The following ABHD17B variants were observed in gnomAD, a reference collection of about 807,000 sequenced individuals.
ABHD17B encodes abhydrolase domain containing 17B, depalmitoylase.
Under a neutral mutation model 26.2 loss-of-function variants are expected in ABHD17B, and 9 were observed. That is an observed-to-expected ratio of 0.34 (90% CI 0.21 to 0.60). The LOEUF is 0.60. ABHD17B is among the 20% of genes least tolerant of loss of function. The pLI, the probability that ABHD17B is intolerant of heterozygous loss-of-function variation, is 0.80. For synonymous variants in ABHD17B, 127 were observed against 122.3 expected (o/e 1.04, Z -0.25); for missense variants, 224 against 352.1 (o/e 0.64, Z 2.91).
At chr9:71,910,012 C>T (rs986872700) in intron 1 of ABHD17B, among the ~76,000 whole-genome samples, 1 of 151,972 alleles carries the variant, frequency 6.6e-6, no homozygotes, top group African/African-American at 2.4e-5. Context: ...TTTTCCAATT[C>T]AAAAACGATT....
chr9:71,897,992 A>AT (rs1320277766), intron 1 of ABHD17B, among the ~76,000 whole-genome samples: 4 of 152,020 alleles, frequency 2.6e-5, no homozygotes, highest in Non-Finnish European at 5.9e-5. Flanking sequence ...CTTTTCATAC[A>AT]TTTTTTTTCA....
At chr9:71,905,409 C>T (rs1002281003) in intron 1 of ABHD17B, among the ~76,000 whole-genome samples, 2 of 152,066 alleles carry the variant, frequency 1.3e-5, no homozygotes, top group African/African-American at 4.8e-5. Context: ...ATAAAAACTA[C>T]AATGAGGTAC....
At chr9:71,909,794 C>T (rs1827391740) in intron 1 of ABHD17B, among the ~76,000 whole-genome samples, 1 of 152,174 alleles carries the variant, frequency 6.6e-6, no homozygotes, top group Admixed American at 6.5e-5. Context: ...ATCTACTTCA[C>T]ACTGACTTAA....
chr9:71,903,848 G>A (rs908676384), intron 1 of ABHD17B, among the ~76,000 whole-genome samples: 3 of 152,136 alleles, frequency 2.0e-5, no homozygotes, highest in Non-Finnish European at 4.4e-5. Context: ...GAGAACAAGT[G>A]GGGGGCGGGA....
chr9:71,908,530 A>G (rs1378280761), intron 1 of ABHD17B, among the ~76,000 whole-genome samples: 1 of 152,198 alleles, frequency 6.6e-6, no homozygotes, highest in Non-Finnish European at 1.5e-5. Flanking sequence ...TTTCAGAATT[A>G]AGAGCAAAAC....
chr9:71,894,889 A>G (rs1476636758), intron 1 of ABHD17B, among the ~76,000 whole-genome samples: 1 of 152,194 alleles, frequency 6.6e-6, no homozygotes, highest in African/African-American at 2.4e-5. Context: ...TAAATCATTT[A>G]CTAACTATAA....
chr9:71,898,594 G>A lies in ABHD17B; in HGVS notation c.-4+12040C>T, dbSNP rs147440854. 1.4e-3 allele frequency among the ~76,000 whole-genome samples: 214 copies of A among 152,230 alleles called. 1 individual carries two copies. Among genetic ancestry groups the A allele is most frequent in the African/African-American group, 5.0e-3 (209 of 41,556 alleles). On this transcript the variant is annotated intron_variant, in intron 1 of 3. Coordinates refer to ENST00000333421, the MANE Select transcript of ABHD17B (RefSeq NM_001025780.3). ...GCGAAGGCTGCGGTGAGCCAAGATC[G>A]TGCCTTTGCACTCCAGCCTGGGCAA...
intron 1 of ABHD17B, among the ~76,000 whole-genome samples, chr9:71,876,811 A>G (rs1309624038): frequency 2.0e-5 from 3 of 152,208 alleles, no homozygotes; most frequent in Admixed American, 6.5e-5. Flanking sequence ...AAAAAAGCAC[A>G]GGAAGAGAGG....
chr9:71,906,783 CCTGT>C (rs1827296147), intron 1 of ABHD17B, among the ~76,000 whole-genome samples: 1 of 149,290 alleles, frequency 6.7e-6, no homozygotes, highest in Admixed American at 6.8e-5. Flanking sequence ...CTCCAGAGAT[CCTGT>C]CTTTTACATT....
Position 71,874,868 on chromosome 9 carries a change from A to G in ABHD17B, c.213T>C (p.Thr71=). Reference sequence around the variant, plus strand: ...CAATTCTGTTGCCTTTACTGGTTCTAGTCATGAAACACTCAATAGCATCTT... The same window carrying G: ...CAATTCTGTTGCCTTTACTGGTTCTGGTCATGAAACACTCAATAGCATCTT... The part of the protein sequence containing the change: ...REKDAIECFM[T]RTSKGNRIAC... The change falls in exon 2 of 4, where the codon ACT becomes ACC. Residue 71 remains threonine (T), a synonymous_variant. Coordinates refer to ENST00000333421, the MANE Select transcript of ABHD17B (RefSeq NM_001025780.3). The G allele has an allele frequency of 6.2e-7, 1 of 1,614,204 alleles. No individual in the cohort carries two copies. Among genetic ancestry groups the G allele is most frequent in the Non-Finnish European group, 8.5e-7 (1 of 1,180,034 alleles).
chr9:71,906,726 G>A (rs965232481), intron 1 of ABHD17B, among the ~76,000 whole-genome samples: 1 of 152,084 alleles, frequency 6.6e-6, no homozygotes, highest in Non-Finnish European at 1.5e-5. Context: ...GCTGAAGTGG[G>A]AGGATCCCTT....
At chr9:71,885,034 G>A (rs1010881486) in intron 1 of ABHD17B, among the ~76,000 whole-genome samples, 1 of 152,086 alleles carries the variant, frequency 6.6e-6, no homozygotes, top group Non-Finnish European at 1.5e-5. Flanking sequence ...AACCTAAGTG[G>A]GGGCAGGTGG....
intron 2 of ABHD17B, among the ~76,000 whole-genome samples, chr9:71,871,379 G>C (rs1420073249): frequency 6.6e-6 from 1 of 152,188 alleles, no homozygotes; most frequent in African/African-American, 2.4e-5. Flanking sequence ...ATAGGACACA[G>C]AAAGTGGGGC....
At chr9:71,881,891 A>G (rs1312779533) in intron 1 of ABHD17B, among the ~76,000 whole-genome samples, 2 of 151,972 alleles carry the variant, frequency 1.3e-5, no homozygotes, top group East Asian at 3.9e-4. Flanking sequence ...CGTCTCAAAA[A>G]ACAAACCAAA....
intron 1 of ABHD17B, among the ~76,000 whole-genome samples, chr9:71,903,360 T>A (rs555071087): frequency 2.0e-5 from 3 of 152,324 alleles, no homozygotes; most frequent in Admixed American, 2.0e-4. Flanking sequence ...TTTCCAACAA[T>A]CTACGTATTT....
In ABHD17B at chr9:71,910,924, G is replaced by T. The variant is rs1827450372; in HGVS notation, c.-294C>A. 1.3e-5 allele frequency: 2 copies of T among 152,400 alleles called. No individual in the cohort carries two copies. Among genetic ancestry groups the T allele is most frequent in the African/African-American group, 4.8e-5 (2 of 41,440 alleles). The allele number at this position is 152,400 out of a possible 1,614,324, so 9.4% of individuals were successfully genotyped here. On this transcript the variant is annotated 5_prime_UTR_variant, in exon 1 of 4. Coordinates refer to ENST00000333421, the MANE Select transcript of ABHD17B (RefSeq NM_001025780.3). ...TCTGCTGACTAACGGCCCCGGTGCG[G>T]GGCGCTGGAGCGGCCGCCGCTGCCC...
At chr9:71,871,254 G>A (rs1238424923) in intron 2 of ABHD17B, among the ~76,000 whole-genome samples, 2 of 152,192 alleles carry the variant, frequency 1.3e-5, no homozygotes, top group African/African-American at 2.4e-5. Flanking sequence ...AGGAAAGAGC[G>A]AGGGAAACTG....
At chr9:71,868,755 C>T (rs941647039) in intron 3 of ABHD17B, among the ~76,000 whole-genome samples, 1 of 152,222 alleles carries the variant, frequency 6.6e-6, no homozygotes, top group African/African-American at 2.4e-5. Flanking sequence ...GTGGCACCAT[C>T]TTGGCTCACT....
At chr9:71,870,713 T>C (rs1338367374) in intron 2 of ABHD17B, among the ~76,000 whole-genome samples, 3 of 152,194 alleles carry the variant, frequency 2.0e-5, no homozygotes, top group Admixed American at 1.3e-4. Context: ...AAATTGGTCA[T>C]ATTGATGAAC....
Sources: gnomAD v4.1 joint callset for allele counts (sites outside exome capture counted in the v4.1 genomes callset) on GRCh38, gnomAD v4.1.1 for gene constraint, MANE v1.5 for transcripts, NCBI Gene and HGNC (gene_info 2026-07-23, HGNC 2026-07-21) for gene names.